SLC17A1: variants seen among roughly 807,000 people sequenced by gnomAD.
The protein encoded by SLC17A1 is sodium-dependent phosphate transport protein 1.
In SLC17A1, 51 loss-of-function variants were observed where a neutral mutation model predicts 53.5. The observed-to-expected ratio is 0.95, with a 90% CI of 0.76 to 1.20. SLC17A1 has a LOEUF of 1.20. Among genes scored for constraint, SLC17A1 ranks in the 50% most tolerant of loss-of-function variants. The pLI is 0.00. For synonymous variants in SLC17A1, 179 were observed against 198.8 expected (o/e 0.90, Z 0.84); for missense variants, 538 against 568.2 (o/e 0.95, Z 0.54).
the SLC17A1 span, chr6:25,726,578 A>G: frequency 6.4e-7 from 1 of 1,561,238 alleles, no homozygotes; most frequent in African/African-American, 1.4e-5. Context: ...TAGGGCTGCT[A>G]CTGGGCCTAT....
the SLC17A1 span, among the ~76,000 whole-genome samples, chr6:25,730,778 G>T: frequency 5.3e-5 from 8 of 152,140 alleles, no homozygotes; most frequent in African/African-American, 1.9e-4. Flanking sequence ...TAGTTGGGTG[G>T]AGAGTGGTTT....
chr6:25,776,952 G>T, the SLC17A1 span: 1 of 1,611,774 alleles, frequency 6.2e-7, no homozygotes, highest in Non-Finnish European at 8.5e-7. Context: ...CTTGGATATT[G>T]CTCCTCGGTA....
At chr6:25,798,644 A>G in intron 12 of SLC17A1, 139 bp downstream of exon 12, 1 of 674,826 alleles carries the variant, frequency 1.5e-6, no homozygotes, top group Non-Finnish European at 2.2e-6. Context: ...CAGGATGTCT[A>G]ATATTCTCAG....
chr6:25,773,592 T>G, the SLC17A1 span: 1 of 1,614,006 alleles, frequency 6.2e-7, no homozygotes, highest in Non-Finnish European at 8.5e-7. Flanking sequence ...GTCTCTTATT[T>G]CTGTGAATAC....
intron 12 of SLC17A1, among the ~76,000 whole-genome samples, chr6:25,794,090 T>G (rs1243567997): frequency 6.6e-6 from 1 of 152,166 alleles, no homozygotes; most frequent in East Asian, 1.9e-4. Flanking sequence ...GCAGCCTGAG[T>G]TGACCAATCA....
At position 25,785,955 on chromosome 6, in the gene SLC17A1, GC is replaced by G. The variant is rs1763373556; in HGVS notation, c.*3-2738del. Among the ~76,000 whole-genome samples, 5 of 152,260 alleles carry G rather than the reference GC, an allele frequency of 3.3e-5. No individual in the cohort carries two copies. In the South Asian group the frequency reaches 1.0e-3, roughly 32 times the overall value. ...TAAACCTAGAATTACCACATGACCAGCAACTCCACTTGTAGGTATATACCCC... is the reference window on the plus strand; with the variant it reads ...TAAACCTAGAATTACCACATGACCAGAACTCCACTTGTAGGTATATACCCC... On this transcript the variant is annotated intron_variant, in intron 12 of 12. Transcript: ENST00000244527.
intron 8 of SLC17A1, 68 bp from the exon 9 acceptor site, chr6:25,811,838 C>T: frequency 2.0e-6 from 3 of 1,524,872 alleles, no homozygotes; most frequent in Non-Finnish European, 2.7e-6. Flanking sequence ...CAGAGTAATC[C>T]CTATGCTAAA....
At chr6:25,767,222 T>C in the SLC17A1 span, among the ~76,000 whole-genome samples, 1 of 152,128 alleles carries the variant, frequency 6.6e-6, no homozygotes, top group African/African-American at 2.4e-5. Context: ...CATACATATG[T>C]ACATAAACAA....
intron 10 of SLC17A1, among the ~76,000 whole-genome samples, chr6:25,802,117 C>A (rs900909498): frequency 3.9e-5 from 6 of 152,106 alleles, no homozygotes; most frequent in African/African-American, 1.4e-4. Context: ...AACCTCTTCC[C>A]CCATAAAAAT....
chr6:25,812,080 T>C (rs9467611), intron 8 of SLC17A1, among the ~76,000 whole-genome samples: 2,101 of 152,176 alleles, frequency 0.014, 29 homozygotes, highest in African/African-American at 0.038. Context: ...GGGAAAATGA[T>C]AGGATAAAGA....
intron 6 of SLC17A1, among the ~76,000 whole-genome samples, chr6:25,818,631 T>G (rs899433596): frequency 6.6e-6 from 1 of 152,226 alleles, no homozygotes; most frequent in Non-Finnish European, 1.5e-5. Flanking sequence ...GTAAACCTTA[T>G]TTCTTTATAG....
intron 6 of SLC17A1, among the ~76,000 whole-genome samples, chr6:25,814,336 ACAAAAAAGAAAAAAATTATTTTATT>A: frequency 6.6e-6 from 1 of 152,330 alleles, no homozygotes; most frequent in Middle Eastern, 3.4e-3. Context: ...TTTGTAGTGG[ACAAAAAAGAAAAAAATTATTTTATT>A]CAATCAACTT....
At chr6:25,796,413 C>T (rs1315723469) in intron 12 of SLC17A1, among the ~76,000 whole-genome samples, 1 of 151,790 alleles carries the variant, frequency 6.6e-6, no homozygotes, top group Non-Finnish European at 1.5e-5. Context: ...CGATTTAATA[C>T]CGACTCAATT....
At chr6:25,725,006 G>T in the SLC17A1 span, among the ~76,000 whole-genome samples, 9 of 105,336 alleles carry the variant, frequency 8.5e-5, no homozygotes, top group East Asian at 2.7e-4. Context: ...TTTTTTTTTT[G>T]GTAACCAAAT....
chr6:25,739,005 CA>C, the SLC17A1 span, among the ~76,000 whole-genome samples: 6 of 152,256 alleles, frequency 3.9e-5, no homozygotes, highest in African/African-American at 1.2e-4. Context: ...CATATACTTA[CA>C]ACATGATCTA....
intron 11 of SLC17A1, 30 bp downstream of exon 11, chr6:25,800,860 A>G (rs1348404560): frequency 1.5e-6 from 2 of 1,366,742 alleles, no homozygotes; most frequent in Non-Finnish European, 1.0e-6. Flanking sequence ...TAATATTGGA[A>G]AAATAACTAC....
At chr6:25,778,801 A>G (rs1024348633), downstream of SLC17A1, among the ~76,000 whole-genome samples, 1 of 152,230 alleles carries the variant, frequency 6.6e-6, no homozygotes, top group African/African-American at 2.4e-5. Flanking sequence ...AGAACACTTA[A>G]GCAAGGACTG....
intron 12 of SLC17A1, among the ~76,000 whole-genome samples, chr6:25,793,932 G>A (rs1763554229): frequency 6.6e-6 from 1 of 152,130 alleles, no homozygotes; most frequent in Non-Finnish European, 1.5e-5. Context: ...GGCTAACTGG[G>A]CTTAAAATCA....
At chr6:25,726,492 G>A in the SLC17A1 span, 1,677 of 1,612,162 alleles carry the variant, frequency 1.0e-3, 1 homozygote, top group Middle Eastern at 8.7e-3. Context: ...TAGACTTGGC[G>A]CGTGCTTTTC....
Sources: gnomAD v4.1 joint callset for allele counts (sites outside exome capture counted in the v4.1 genomes callset) on GRCh38, gnomAD v4.1.1 for gene constraint, MANE v1.5 for transcripts, NCBI Gene and HGNC (gene_info 2026-07-23, HGNC 2026-07-21) for gene names.